OR6K3: variants seen among roughly 807,000 people sequenced by gnomAD.
OR6K3 encodes the protein olfactory receptor 6K3.
For missense variants in OR6K3, 396 were observed against 382.5 expected (o/e 1.04, Z -0.29); for synonymous variants, 169 against 137.7 (o/e 1.23, Z -1.59).
chr1:158,719,553 T>C (rs1656243909), intron 1 of OR6K3, among the ~76,000 whole-genome samples: 1 of 152,010 alleles, frequency 6.6e-6, no homozygotes, highest in African/African-American at 2.4e-5. Context: ...CTACTTCCTC[T>C]GACTTTAAAG....
In OR6K3 at chr1:158,717,859, A is replaced by G. The variant is rs756498610; in HGVS notation, c.257T>C (p.Ile86Thr). ...CATTGAGATGGCCTTCTTTTCACTG[A>G]TGAGGTTGGAGAGCATCTTGGGAAT... ...ATIPKMLSNLISEKKAISMTG... is the reference protein window; with the variant it reads ...ATIPKMLSNLTSEKKAISMTG... The change falls in exon 2 of 2, where the codon ATC becomes ACC. Residue 86 changes from isoleucine to threonine, a missense_variant. Ile to Thr is a moderately conservative substitution (Grantham distance 89). Transcript: ENST00000368145. 2.5e-6 allele frequency: 4 copies of G among 1,613,806 alleles called. No individual in the cohort carries two copies. Among genetic ancestry groups the G allele is most frequent in the Non-Finnish European group, 3.4e-6 (4 of 1,179,806 alleles).
At chr1:158,719,893 A>G (rs992982562) in intron 1 of OR6K3, among the ~76,000 whole-genome samples, 19 of 152,026 alleles carry the variant, frequency 1.2e-4, no homozygotes, top group African/African-American at 4.3e-4. Flanking sequence ...TTTTCACCTC[A>G]TGCTCTTAAT....
intron 1 of OR6K3, among the ~76,000 whole-genome samples, chr1:158,718,407 T>C (rs1656219936): frequency 6.6e-6 from 1 of 151,306 alleles, no homozygotes; most frequent in Non-Finnish European, 1.5e-5. Flanking sequence ...TCAAAGTTGC[T>C]TAGCTGTACA....
At chr1:158,724,660 G>T (rs1347397512), upstream of OR6K3, 1 of 227,158 alleles carries the variant, frequency 4.4e-6, no homozygotes, top group Non-Finnish European at 9.7e-6. Flanking sequence ...GGTCATGATG[G>T]TTGGGTAGCG....
rs141092289 is a variant in OR6K3, at chr1:158,718,107, G to A, written c.9C>T (p.Ser3=). Residue 3 remains serine (S), a synonymous_variant, in exon 2 of 2, where the codon AGC becomes AGT. Coordinates refer to ENST00000368145, the MANE Select transcript of OR6K3 (RefSeq NM_001005327.3). ...ATTCAGTCACTGTTGATTGGTTTCC[G>A]CTCTCCATATTTCTAGTAGAGCTAC... is the stretch of plus-strand genomic sequence containing the variant. ME[S]GNQSTVTEFI... The A allele has an allele frequency of 3.4e-4, 539 of 1,604,454 alleles. 1 individual carries two copies. The African/African-American group carries it at 6.0e-3, about 18-fold the overall frequency.
In OR6K3 at chr1:158,717,249, A is replaced by G; in HGVS notation, c.867T>C (p.Tyr289=). ...VLAPFFNPII[Y]SLRNKDMNNA... Reference sequence around the variant, plus strand: ...TGTTCATGTCCTTGTTTCTCAGGCTATAAATGATGGGATTGAAGAATGGAG... The same window carrying G: ...TGTTCATGTCCTTGTTTCTCAGGCTGTAAATGATGGGATTGAAGAATGGAG... The change falls in exon 2 of 2, where the codon TAT becomes TAC. Residue 289 remains tyrosine (Y), a synonymous_variant. Transcript: ENST00000368145. 2 of 1,613,720 alleles carry G rather than the reference A, an allele frequency of 1.2e-6. No homozygotes were observed. Among genetic ancestry groups the G allele is most frequent in the South Asian group, 2.2e-5 (2 of 91,080 alleles).
In OR6K3 at chr1:158,717,241, C is replaced by G. The variant is rs16840675; in HGVS notation, c.875G>C (p.Arg292Thr). Residue 292 changes from arginine (R) to threonine (T), a missense_variant, in exon 2 of 2, where the codon AGA (arginine) becomes ACA (threonine). Coordinates refer to ENST00000368145, the MANE Select transcript of OR6K3 (RefSeq NM_001005327.3). The part of the protein sequence containing the change: ...PFFNPIIYSL[R>T]NKDMNNAIKK... ...AATCGCATTGTTCATGTCCTTGTTT[C>G]TCAGGCTATAAATGATGGGATTGAA... is the stretch of plus-strand genomic sequence containing the variant. 1.2e-6 allele frequency: 2 copies of G among 1,613,474 alleles called. No homozygotes were observed. Among genetic ancestry groups the G allele is most frequent in the Admixed American group, 3.3e-5 (2 of 59,958 alleles).
upstream of OR6K3, chr1:158,725,118 A>G (rs1420942849): frequency 6.6e-6 from 1 of 152,512 alleles, no homozygotes; most frequent in Non-Finnish European, 1.5e-5. Flanking sequence ...CTCATTTCCT[A>G]GAAGAAATTG....
At chr1:158,718,655 G>A (rs765242813) in intron 1 of OR6K3, among the ~76,000 whole-genome samples, 4 of 151,266 alleles carry the variant, frequency 2.6e-5, no homozygotes, top group Non-Finnish European at 5.9e-5. Flanking sequence ...GTTATATTAT[G>A]CTCTTTCCCT....
chr1:158,717,224 T>C lies in OR6K3; in HGVS notation c.892A>G (p.Asn298Asp). 6.2e-7 allele frequency: 1 copy of C among 1,613,556 alleles called. No homozygotes were observed. The highest frequency in any genetic ancestry group is 1.7e-5 in the Admixed American group (1 of 59,962). The change falls in exon 2 of 2, where the codon AAT (asparagine) becomes GAT (aspartate). Residue 298 changes from asparagine to aspartate, a missense_variant. Physicochemically the swap from Asn to Asp is conservative, Grantham distance 23 (BLOSUM62 1). Transcript: ENST00000368145. ...IYSLRNKDMNNAIKKLFCLQK... is the reference protein window; with the variant it reads ...IYSLRNKDMNDAIKKLFCLQK... The stretch of plus-strand genomic sequence containing the variant: ...AGACAGAACAGTTTTTTAATCGCAT[T>C]GTTCATGTCCTTGTTTCTCAGGCTA...
upstream of OR6K3, among the ~76,000 whole-genome samples, chr1:158,721,261 T>C (rs1268824279): frequency 6.6e-6 from 1 of 152,018 alleles, no homozygotes; most frequent in Non-Finnish European, 1.5e-5. Flanking sequence ...GTCGTGAGTG[T>C]GTATGGGTCT....
chr1:158,722,251 A>G, upstream of OR6K3, among the ~76,000 whole-genome samples: 1 of 152,172 alleles, frequency 6.6e-6, no homozygotes, highest in South Asian at 2.1e-4. Context: ...AAAAATAAGA[A>G]TATTAAATAT....
upstream of OR6K3, among the ~76,000 whole-genome samples, chr1:158,723,483 A>G (rs996299851): frequency 1.3e-5 from 2 of 152,028 alleles, no homozygotes; most frequent in African/African-American, 4.8e-5. Context: ...TAAAACATCA[A>G]TAACAAAAGA....
rs1656172241 is a variant in OR6K3 at position 158,717,332 on chromosome 1, T to G, written c.784A>C (p.Ser262Arg). 1 of 1,613,772 alleles carries G rather than the reference T, an allele frequency of 6.2e-7. No individual in the cohort carries two copies. Among genetic ancestry groups the G allele is most frequent in the South Asian group, 1.1e-5 (1 of 91,084 alleles). ...GSVSLMYLRFSDTYPPVLDTA... is the reference protein window; with the variant it reads ...GSVSLMYLRFRDTYPPVLDTA... Reference sequence around the variant, plus strand: ...TCCAAAACTGGTGGATAAGTGTCGCTGAAACGCAAGTACATGAGTGATACA... The same window carrying G: ...TCCAAAACTGGTGGATAAGTGTCGCGGAAACGCAAGTACATGAGTGATACA... Residue 262 changes from serine (S) to arginine (R), a missense_variant, in exon 2 of 2, where the codon AGC (serine) becomes CGC (arginine). Ser to Arg is a moderately radical substitution (Grantham distance 110). Transcript: ENST00000368145.
chr1:158,720,242 G>T (rs1471703286), intron 1 of OR6K3, among the ~76,000 whole-genome samples: 1 of 151,990 alleles, frequency 6.6e-6, no homozygotes, highest in African/African-American at 2.4e-5. Flanking sequence ...GACAGTGAAT[G>T]TCTTTTATCC....
intron 1 of OR6K3, among the ~76,000 whole-genome samples, chr1:158,719,581 C>A (rs1275097265): frequency 1.3e-5 from 2 of 151,932 alleles, no homozygotes; most frequent in African/African-American, 4.8e-5. Flanking sequence ...TCTCTCCCTC[C>A]TCTGCCCCCT....
At position 158,718,078 on chromosome 1, in the gene OR6K3, A is replaced by G; in HGVS notation, c.38T>C (p.Ile13Thr). The G allele has an allele frequency of 6.2e-7, 1 of 1,612,730 alleles. No homozygotes were observed. Among genetic ancestry groups the G allele is most frequent in the Non-Finnish European group, 8.5e-7 (1 of 1,179,286 alleles). The change falls in exon 2 of 2, where the codon ATC becomes ACC. Residue 13 changes from isoleucine to threonine, a missense_variant. By Grantham distance (89) the Ile-to-Thr change is moderately conservative (BLOSUM62 -1). Coordinates refer to ENST00000368145, the MANE Select transcript of OR6K3 (RefSeq NM_001005327.3). ...CTGAAGCTGAGGGAATCCAGTGAAG[A>G]TAAATTCAGTCACTGTTGATTGGTT... is the stretch of plus-strand genomic sequence containing the variant. ...SGNQSTVTEFIFTGFPQLQDG... is the reference protein window; with the variant it reads ...SGNQSTVTEFTFTGFPQLQDG...
In OR6K3 at chr1:158,717,688, T is replaced by G; in HGVS notation, c.428A>C (p.Gln143Pro). The part of the protein sequence containing the change: ...QMIMTPRLCA[Q>P]LSAGSCLFGF... ...GAAGAGGCAGGAACCTGCAGAGAGT[T>G]GAGCACAGAGCCGGGGGGTCATGAT... The change falls in exon 2 of 2, where the codon CAA (glutamine) becomes CCA (proline). Residue 143 changes from glutamine (Q) to proline (P), a missense_variant. Transcript: ENST00000368145. 1 of 1,613,762 alleles carries G rather than the reference T, an allele frequency of 6.2e-7. No individual in the cohort carries two copies. The highest frequency in any genetic ancestry group is 8.5e-7 in the Non-Finnish European group (1 of 1,179,848).
intron 1 of OR6K3, among the ~76,000 whole-genome samples, chr1:158,719,458 C>T (rs1184851533): frequency 6.6e-6 from 1 of 152,010 alleles, no homozygotes; most frequent in African/African-American, 2.4e-5. Context: ...TGTAGCTTCA[C>T]CTGCTAACAT....
Sources: allele counts gnomAD v4.1 joint callset (sites outside exome capture counted in the v4.1 genomes callset), GRCh38; gene constraint gnomAD v4.1.1; transcripts MANE v1.5; gene names NCBI Gene and HGNC (gene_info 2026-07-23, HGNC 2026-07-21).